The following JPH4 variants were observed in gnomAD, a reference collection of about 807,000 sequenced individuals.
JPH4 encodes junctophilin 4, also known as junctophilin-4.
In JPH4, 18 loss-of-function variants were observed where a neutral mutation model predicts 57.6. The observed-to-expected ratio is 0.31, with a 90% confidence interval of 0.22 to 0.46. JPH4 has a LOEUF of 0.46. Ranked by LOEUF, JPH4 falls within the 20% of genes least tolerant of loss-of-function variation. The pLI, the probability that JPH4 is intolerant of heterozygous loss-of-function variation, is 1.00. For missense variants in JPH4, 727 were observed against 911.1 expected, an observed-to-expected ratio of 0.80 and a Z score of 2.60; for synonymous variants, 425 against 406.6, an observed-to-expected ratio of 1.05 and a Z score of -0.54.
chr14:23,571,691 T>G lies in JPH4; in HGVS notation c.1270+111A>C. On this transcript the variant is annotated intron_variant, in intron 4 of 5. Coordinates refer to ENST00000356300, the MANE Select transcript of JPH4 (RefSeq NM_001146028.2). The surrounding 1 kb of genome is among the most constrained non-coding windows in gnomAD (Gnocchi z 4.6). ...TGTTCCTTGCACCCTCATTCCTTGT[T>G]TTTTCCCATCCCCACTTCCCTTGCA... 1 of 1,160,742 alleles carries G rather than the reference T, an allele frequency of 8.6e-7. No individual in the cohort carries two copies. The highest frequency in any genetic ancestry group is 1.9e-5 in the Admixed American group (1 of 52,406). 71.9% of individuals were successfully genotyped at this position (1,160,742 alleles called of 1,614,324 possible). A position where few individuals can be genotyped will look rare whatever the true frequency, so the allele number is the denominator to read the frequency against.
rs903053235 is a variant in JPH4, at chr14:23,578,629, G to C, written c.-621C>G. On this transcript the variant is annotated 5_prime_UTR_variant, in exon 1 of 6. Coordinates refer to ENST00000356300, the MANE Select transcript of JPH4 (RefSeq NM_001146028.2). ...TGGGCCAGGCAGATTTAAAGGGGCA[G>C]GGAGAAGAGAAGAGAGAAGAGGGTG... 7 of 151,856 alleles carry C rather than the reference G, an allele frequency of 4.6e-5. No individual in the cohort carries two copies. Among genetic ancestry groups the C allele is most frequent in the African/African-American group, 1.7e-4 (7 of 41,230 alleles). 9.4% of individuals were successfully genotyped at this position (151,856 alleles called of 1,614,324 possible).
In JPH4 at chr14:23,576,702, G is replaced by A. The variant is rs905867234; in HGVS notation, c.380-246C>T. On this transcript the variant is annotated intron_variant, in intron 2 of 5. Coordinates refer to ENST00000356300, the MANE Select transcript of JPH4 (RefSeq NM_001146028.2). The surrounding 1 kb of genome is among the most constrained non-coding windows in gnomAD (Gnocchi z 8.0). ...TGGATTTTGGCAGTGCGGGTAAACA[G>A]GGGAAACGGGGAGGGCCCGGCAGGC... Among the ~76,000 whole-genome samples, 3 of 152,168 alleles carry A rather than the reference G, an allele frequency of 2.0e-5. No individual in the cohort carries two copies. Among genetic ancestry groups the A allele is most frequent in the Non-Finnish European group, 4.4e-5 (3 of 68,028 alleles).
intron 5 of JPH4, among the ~76,000 whole-genome samples, 176 bp downstream of exon 5, chr14:23,570,752 G>A (rs1566677602): frequency 6.6e-6 from 1 of 152,218 alleles, no homozygotes; most frequent in Non-Finnish European, 1.5e-5. Flanking sequence ...AGGTGTGTAA[G>A]GTTCCTTCCA....
rs763810770 is a variant in JPH4 at position 23,575,950 on chromosome 14, C to T, written c.886G>A (p.Val296Ile). The change falls in exon 3 of 6, where the codon GTC (valine) becomes ATC (isoleucine). Residue 296 changes from valine (V) to isoleucine (I), a missense_variant. Val to Ile is a conservative substitution (Grantham distance 29). Coordinates refer to ENST00000356300, the MANE Select transcript of JPH4 (RefSeq NM_001146028.2). The surrounding 1 kb of genome is among the most constrained non-coding windows in gnomAD (Gnocchi z 6.9). ...WRADRRSGFG[V>I]SQRSNGLRYE... ...CGCAGCCCGTTGGAGCGCTGGCTGA[C>T]GCCGAAGCCGCTGCGCCGATCTGCG... 3.4e-5 allele frequency: 53 copies of T among 1,543,204 alleles called. No homozygotes were observed. The highest frequency in any genetic ancestry group is 4.5e-5 in the Non-Finnish European group (52 of 1,154,110).
Position 23,575,957 on chromosome 14 carries a change from G to T in JPH4, c.879C>A (p.Gly293=). 8 of 1,538,894 alleles carry T rather than the reference G, an allele frequency of 5.2e-6. No individual in the cohort carries two copies. Among genetic ancestry groups the T allele is most frequent in the Non-Finnish European group, 6.9e-6 (8 of 1,152,196 alleles). The change falls in exon 3 of 6, where the codon GGC becomes GGA. Residue 293 remains glycine, a synonymous_variant. Transcript: ENST00000356300. The surrounding 1 kb of genome is among the most constrained non-coding windows in gnomAD (Gnocchi z 6.9). ...AGEWRADRRS[G]FGVSQRSNGL... is the part of the protein sequence containing the mutation. ...CGTTGGAGCGCTGGCTGACGCCGAA[G>T]CCGCTGCGCCGATCTGCGCGCCACT...
intron 5 of JPH4, among the ~76,000 whole-genome samples, chr14:23,570,199 G>A (rs186943773): frequency 2.7e-5 from 4 of 146,208 alleles, no homozygotes; most frequent in African/African-American, 1.0e-4. Flanking sequence ...AGGGTAGGGA[G>A]GGAACAATCT....
chr14:23,570,890 G>C, intron 5 of JPH4, 38 bp downstream of exon 5: 1 of 1,477,882 alleles, frequency 6.8e-7, no homozygotes, highest in Admixed American at 2.7e-5. Flanking sequence ...GCAAGGCTTT[G>C]GGAGAAGAGG....
chr14:23,571,135 G>C lies in JPH4; in HGVS notation c.1596C>G (p.Leu532=). The stretch of plus-strand genomic sequence containing the variant: ...TTCCTGAACTGTCGCTGCAGCCTCC[G>C]AGGAGTGGGGAACCGTCTCTGGGCC... ...GPGPRDGSPL[L]GGCSDSSGSL... is the part of the protein sequence containing the mutation. The change falls in exon 5 of 6, where the codon CTC becomes CTG. Residue 532 remains leucine, a synonymous_variant. Coordinates refer to ENST00000356300, the MANE Select transcript of JPH4 (RefSeq NM_001146028.2). The surrounding 1 kb of genome is among the most constrained non-coding windows in gnomAD (Gnocchi z 4.6). 6.2e-7 allele frequency: 1 copy of C among 1,614,106 alleles called. No individual in the cohort carries two copies. Among genetic ancestry groups the C allele is most frequent in the Non-Finnish European group, 8.5e-7 (1 of 1,180,010 alleles).
chr14:23,571,212 C>T lies in JPH4; in HGVS notation c.1519G>A (p.Glu507Lys). 1 of 1,613,770 alleles carries T rather than the reference C, an allele frequency of 6.2e-7. No homozygotes were observed. The highest frequency in any genetic ancestry group is 8.5e-7 in the Non-Finnish European group (1 of 1,179,832). ...TCAGCCTCATAGCCAGCTAGTTCCT[C>T]TGCCTGTGCGCCTGCCCCCCCCCAC... ...EEWGGAGAQAEELAGYEAEDE... is the reference protein window; with the variant it reads ...EEWGGAGAQAKELAGYEAEDE... The change falls in exon 5 of 6, where the codon GAG (glutamate) becomes AAG (lysine). Residue 507 changes from glutamate to lysine, a missense_variant. Glu to Lys is a moderately conservative substitution (Grantham distance 56). Transcript: ENST00000356300. The surrounding 1 kb of genome is among the most constrained non-coding windows in gnomAD (Gnocchi z 4.6).
Position 23,568,814 on chromosome 14 carries a change from G to A in JPH4, c.*820C>T, listed in dbSNP as rs533544218. ...CAACCAAATAAACTATTATGGGGGA[G>A]ACAGAAGGGTGGGAGAAGTCAGTGG... On this transcript the variant is annotated 3_prime_UTR_variant, in exon 6 of 6. Transcript: ENST00000356300. 21 of 985,988 alleles carry A rather than the reference G, an allele frequency of 2.1e-5. No individual in the cohort carries two copies. The South Asian group carries it at 8.5e-4, about 40-fold the overall frequency. The allele number at this position is 985,988 out of a possible 1,614,324, so 61.1% of individuals were successfully genotyped here. A position where few individuals can be genotyped will look rare whatever the true frequency, so the allele number is the denominator to read the frequency against.
At position 23,571,779 on chromosome 14, in the gene JPH4, C is replaced by T. The variant is rs1240352201; in HGVS notation, c.1270+23G>A. ...AGCTCCCTAGGGGCCTCACTGCCCT[C>T]CCCCCAGCTGTCCATGCCTCACCTG... On this transcript the variant is annotated intron_variant, in intron 4 of 5. Coordinates refer to ENST00000356300, the MANE Select transcript of JPH4 (RefSeq NM_001146028.2). The surrounding 1 kb of genome is among the most constrained non-coding windows in gnomAD (Gnocchi z 4.6). The T allele has an allele frequency of 1.3e-6, 2 of 1,594,562 alleles. No individual in the cohort carries two copies. Among genetic ancestry groups the T allele is most frequent in the African/African-American group, 2.7e-5 (2 of 74,584 alleles).
Position 23,576,003 on chromosome 14 carries a change from G to A in JPH4, c.833C>T (p.Ala278Val). ...AAPPALIEGS[A>V]TEVYAGEWRA... The stretch of plus-strand genomic sequence containing the variant: ...CCACTCGCCCGCGTACACCTCTGTG[G>A]CCGAGCCCTCGATGAGGGCGGGCGG... Residue 278 changes from alanine (A) to valine (V), a missense_variant, in exon 3 of 6, where the codon GCC becomes GTC. Coordinates refer to ENST00000356300, the MANE Select transcript of JPH4 (RefSeq NM_001146028.2). The surrounding 1 kb of genome is among the most constrained non-coding windows in gnomAD (Gnocchi z 8.0). 1 of 1,438,278 alleles carries A rather than the reference G, an allele frequency of 7.0e-7. No individual in the cohort carries two copies. The highest frequency in any genetic ancestry group is 9.1e-7 in the Non-Finnish European group (1 of 1,104,836). 89.1% of individuals were successfully genotyped at this position (1,438,278 alleles called of 1,614,324 possible). A position where few individuals can be genotyped will look rare whatever the true frequency, so the allele number is the denominator to read the frequency against.
chr14:23,570,998 C>T lies in JPH4; in HGVS notation c.1733G>A (p.Arg578Lys), dbSNP rs142036334. ...AMLVLRGSSS[R>K]GPDAGCLTEE... Reference sequence around the variant, plus strand: ...TGTCAGGCACCCAGCATCAGGACCCCTCGAGGACGAGCCCCTCAGGACCAG... The same window carrying T: ...TGTCAGGCACCCAGCATCAGGACCCTTCGAGGACGAGCCCCTCAGGACCAG... The change falls in exon 5 of 6, where the codon AGG (arginine) becomes AAG (lysine). Residue 578 changes from arginine to lysine, a missense_variant. By Grantham distance (26) the Arg-to-Lys change is conservative. Coordinates refer to ENST00000356300, the MANE Select transcript of JPH4 (RefSeq NM_001146028.2). The T allele has an allele frequency of 1.3e-6, 2 of 1,556,326 alleles. No individual in the cohort carries two copies. Among genetic ancestry groups the T allele is most frequent in the African/African-American group, 2.7e-5 (2 of 73,450 alleles).
In JPH4 at chr14:23,571,780, C is replaced by G; in HGVS notation, c.1270+22G>C. On this transcript the variant is annotated intron_variant, in intron 4 of 5. Transcript: ENST00000356300. The surrounding 1 kb of genome is among the most constrained non-coding windows in gnomAD (Gnocchi z 4.6). ...GCTCCCTAGGGGCCTCACTGCCCTC[C>G]CCCCAGCTGTCCATGCCTCACCTGG... The G allele has an allele frequency of 6.3e-7, 1 of 1,598,914 alleles. No individual in the cohort carries two copies. Among genetic ancestry groups the G allele is most frequent in the Non-Finnish European group, 8.6e-7 (1 of 1,169,160 alleles).
intron 5 of JPH4, among the ~76,000 whole-genome samples, chr14:23,570,309 G>A (rs1435756927): frequency 6.6e-6 from 1 of 151,620 alleles, no homozygotes; most frequent in Non-Finnish European, 1.5e-5. Context: ...GAAGGAGAAC[G>A]GGGGAAAAAT....
rs932168957 is a variant in JPH4, at chr14:23,577,566, G to A, written c.-113C>T. The A allele has an allele frequency of 1.1e-6, 1 of 884,984 alleles. No homozygotes were observed. Among genetic ancestry groups the A allele is most frequent in the Non-Finnish European group, 1.6e-6 (1 of 641,436 alleles). 54.8% of individuals were successfully genotyped at this position (884,984 alleles called of 1,614,324 possible). A position where few individuals can be genotyped will look rare whatever the true frequency, so the allele number is the denominator to read the frequency against. ...GCCTCGGGGCGGGGGCAGTTAGACC[G>A]GGGCCGGGCGGGGGGGCCCCAGCGA... On this transcript the variant is annotated 5_prime_UTR_variant, in exon 2 of 6. Coordinates refer to ENST00000356300, the MANE Select transcript of JPH4 (RefSeq NM_001146028.2). This position sits in a 1 kb window ranked among gnomAD's most constrained non-coding sequence, Gnocchi z 8.4.
Position 23,570,977 on chromosome 14 carries a change from A to G in JPH4, c.1754T>C (p.Leu585Pro). The G allele has an allele frequency of 6.5e-7, 1 of 1,534,400 alleles. No individual in the cohort carries two copies. Residue 585 changes from leucine (L) to proline (P), a missense_variant, in exon 5 of 6, where the codon CTG (leucine) becomes CCG (proline). Around this residue, in one of 7 missense-constraint regions of JPH4, gnomAD observed 293 missense variants for 279.8 expected, o/e 1.05. Transcript: ENST00000356300. Reference protein sequence around the residue: ...SSSRGPDAGCLTEELGEPAAT... With the variant: ...SSSRGPDAGCPTEELGEPAAT... ...AGCGGGCTCCCCGAGCTCTTCTGTCAGGCACCCAGCATCAGGACCCCTCGA... is the reference window on the plus strand; with the variant it reads ...AGCGGGCTCCCCGAGCTCTTCTGTCGGGCACCCAGCATCAGGACCCCTCGA...
Position 23,575,921 on chromosome 14 carries a change from G to A in JPH4, c.915C>T (p.Tyr305=), listed in dbSNP as rs759518310. 1.9e-6 allele frequency: 3 copies of A among 1,566,822 alleles called. No individual in the cohort carries two copies. The highest frequency in any genetic ancestry group is 8.6e-7 in the Non-Finnish European group (1 of 1,162,724). ...GVSQRSNGLR[Y]EGEWLGNRRH... is the part of the protein sequence containing the mutation. ...GCCGGTTGCCCAGCCACTCGCCCTC[G>A]TAGCGCAGCCCGTTGGAGCGCTGGC... is the stretch of plus-strand genomic sequence containing the variant. Residue 305 remains tyrosine (Y), a synonymous_variant, in exon 3 of 6, where the codon TAC becomes TAT. Coordinates refer to ENST00000356300, the MANE Select transcript of JPH4 (RefSeq NM_001146028.2). The surrounding 1 kb of genome is among the most constrained non-coding windows in gnomAD (Gnocchi z 6.9).
intron 5 of JPH4, among the ~76,000 whole-genome samples, chr14:23,570,105 G>C (rs1464716539): frequency 2.0e-5 from 3 of 152,190 alleles, no homozygotes; most frequent in Admixed American, 2.0e-4. Context: ...AATCAGAGTA[G>C]AGGGTTCTGG....
Sources: gnomAD v4.1 joint callset for allele counts (sites outside exome capture counted in the v4.1 genomes callset) on GRCh38, gnomAD v4.1.1 for gene constraint, gnomAD v4.1.1 regional missense constraint, Gnocchi (gnomAD v3.1) non-coding constraint, MANE v1.5 for transcripts, NCBI Gene and HGNC (gene_info 2026-07-23, HGNC 2026-07-21) for gene names.